MACROD2: variants seen among roughly 807,000 people sequenced by gnomAD.
MACROD2 encodes mono-ADP ribosylhydrolase 2, also known as ADP-ribose glycohydrolase MACROD2.
A neutral mutation model predicts 70.4 loss-of-function variants in MACROD2; 36 were observed. The observed-to-expected ratio is 0.51, with a 90% CI of 0.39 to 0.68. The LOEUF (loss-of-function observed/expected upper bound fraction) is 0.68, where lower values mean the gene tolerates loss of function less well. Ranked by LOEUF, MACROD2 falls within the 30% of genes least tolerant of loss-of-function variation. The pLI, the probability that MACROD2 is intolerant of heterozygous loss-of-function variation, is 0.00. For missense variants in MACROD2, 496 were observed against 538.4 expected (o/e 0.92, Z 0.78); for synonymous variants, 172 against 178.8 (o/e 0.96, Z 0.30).
intron 3 of MACROD2, among the ~76,000 whole-genome samples, chr20:14,186,026 C>T (rs1317973791): frequency 6.6e-6 from 1 of 152,094 alleles, no homozygotes; most frequent in Non-Finnish European, 1.5e-5. Context: ...TATCTTCTTA[C>T]CAGCCTTTCT....
At chr20:14,642,791 A>G (rs186715740) in intron 4 of MACROD2, among the ~76,000 whole-genome samples, 512 of 152,232 alleles carry the variant, frequency 3.4e-3, no homozygotes, top group Middle Eastern at 6.8e-3. Flanking sequence ...ATCAGAGATC[A>G]CTATAACAGA....
chr20:14,197,731 C>T (rs1429821690), intron 3 of MACROD2, among the ~76,000 whole-genome samples: 2 of 151,822 alleles, frequency 1.3e-5, no homozygotes, highest in Admixed American at 6.6e-5. Context: ...TGCACCACTG[C>T]ATTCCAGCCT....
chr20:15,314,637 T>C (rs74773147), intron 6 of MACROD2, among the ~76,000 whole-genome samples: 7,906 of 152,244 alleles, frequency 0.052, 688 homozygotes, highest in African/African-American at 0.18. Context: ...AAGTTGTTTG[T>C]CTTTATTTTG....
Position 15,494,559 on chromosome 20 carries a change from A to G in MACROD2, c.572-5215A>G, listed in dbSNP as rs141387901. Among the ~76,000 whole-genome samples the G allele has an allele frequency of 1.4e-3, 220 of 152,338 alleles. 2 individuals carry two copies. The East Asian group carries it at 0.015, about 10-fold the overall frequency. On this transcript the variant is annotated intron_variant, in intron 7 of 17. Coordinates refer to ENST00000684519, the MANE Select transcript of MACROD2 (RefSeq NM_001351661.2). Reference sequence around the variant, plus strand: ...AGGCAGGCATAATTTTGAACAAAATATAGACAAAAAAGAACACACATTATA... The same window carrying G: ...AGGCAGGCATAATTTTGAACAAAATGTAGACAAAAAAGAACACACATTATA...
intron 3 of MACROD2, among the ~76,000 whole-genome samples, chr20:14,159,844 A>AT (rs2055158103): frequency 6.6e-6 from 1 of 152,076 alleles, no homozygotes; most frequent in South Asian, 2.1e-4. Context: ...ATTGAGTATA[A>AT]TGTTAGCTGT....
chr20:15,274,249 T>C (rs2077371305), intron 6 of MACROD2, among the ~76,000 whole-genome samples: 1 of 152,158 alleles, frequency 6.6e-6, no homozygotes, highest in Non-Finnish European at 1.5e-5. Flanking sequence ...CAGTTGCAAA[T>C]ACAAGTTCCA....
intron 7 of MACROD2, among the ~76,000 whole-genome samples, chr20:15,441,368 A>G (rs987167706): frequency 6.6e-6 from 1 of 152,188 alleles, no homozygotes; most frequent in Non-Finnish European, 1.5e-5. Context: ...AGTTCAGTGT[A>G]CATAAAAATG....
At chr20:14,027,217 A>G (rs2263687) in intron 2 of MACROD2, among the ~76,000 whole-genome samples, 32,041 of 151,682 alleles carry the variant, frequency 0.21, 3,849 homozygotes, top group African/African-American at 0.33. Flanking sequence ...TTGATCTTCA[A>G]TCTCTGATAT....
intron 8 of MACROD2, among the ~76,000 whole-genome samples, chr20:15,779,842 C>T (rs2051799433): frequency 6.6e-6 from 1 of 152,086 alleles, no homozygotes; most frequent in African/African-American, 2.4e-5. Flanking sequence ...TGCAACTGTT[C>T]CACGTGGGGC....
At chr20:15,992,634 C>G (rs376361902) in intron 15 of MACROD2, among the ~76,000 whole-genome samples, 25 of 152,228 alleles carry the variant, frequency 1.6e-4, no homozygotes, top group African/African-American at 5.5e-4. Flanking sequence ...CAGCATCCGG[C>G]TACATCCTGT....
At chr20:14,229,304 A>T (rs1432620418) in intron 3 of MACROD2, among the ~76,000 whole-genome samples, 2 of 152,220 alleles carry the variant, frequency 1.3e-5, no homozygotes, top group Non-Finnish European at 2.9e-5. Context: ...GGCTGGGAGA[A>T]AACTTTGTAA....
At chr20:14,985,904 G>T (rs1323165135) in intron 5 of MACROD2, among the ~76,000 whole-genome samples, 1 of 152,084 alleles carries the variant, frequency 6.6e-6, no homozygotes, top group Non-Finnish European at 1.5e-5. Context: ...CTTCCAAAGT[G>T]CTGGGATTAC....
At chr20:15,046,091 C>T (rs1191914383) in intron 5 of MACROD2, among the ~76,000 whole-genome samples, 1 of 152,096 alleles carries the variant, frequency 6.6e-6, no homozygotes, top group Non-Finnish European at 1.5e-5. Flanking sequence ...TATATTTAAG[C>T]ATCTTCTTCG....
chr20:14,924,836 C>T (rs551540421), intron 5 of MACROD2, among the ~76,000 whole-genome samples: 2 of 152,132 alleles, frequency 1.3e-5, no homozygotes, highest in East Asian at 3.9e-4. Flanking sequence ...GTCACAGTTA[C>T]TATCATTAAA....
intron 6 of MACROD2, among the ~76,000 whole-genome samples, chr20:15,330,735 T>C (rs537333830): frequency 6.6e-6 from 1 of 151,682 alleles, no homozygotes; most frequent in South Asian, 2.1e-4. Flanking sequence ...TTCTGACTAA[T>C]GGATTAAAGT....
At chr20:14,702,541 ATG>A (rs1205004115) in intron 5 of MACROD2, among the ~76,000 whole-genome samples, 4 of 143,370 alleles carry the variant, frequency 2.8e-5, no homozygotes, top group South Asian at 4.4e-4. Context: ...AACATTACAT[ATG>A]TGTGTGTGTG....
At chr20:15,113,882 C>T (rs1023737707) in intron 5 of MACROD2, among the ~76,000 whole-genome samples, 8 of 151,588 alleles carry the variant, frequency 5.3e-5, no homozygotes, top group Non-Finnish European at 8.8e-5. Flanking sequence ...GGGAAAGCTC[C>T]AAATTATTCC....
At chr20:15,785,070 T>G (rs1426559524) in intron 8 of MACROD2, among the ~76,000 whole-genome samples, 2 of 147,650 alleles carry the variant, frequency 1.4e-5, no homozygotes, top group African/African-American at 5.0e-5. Flanking sequence ...GAGAATGGCG[T>G]GAACCCGGGA....
intron 3 of MACROD2, among the ~76,000 whole-genome samples, chr20:14,158,587 A>G (rs1035981783): frequency 6.6e-6 from 1 of 151,994 alleles, no homozygotes; most frequent in Non-Finnish European, 1.5e-5. Flanking sequence ...TTGTATATGT[A>G]TGGTAAGAGA....
Sources: gnomAD v4.1 joint callset for allele counts (sites outside exome capture counted in the v4.1 genomes callset) on GRCh38, gnomAD v4.1.1 for gene constraint, MANE v1.5 for transcripts, NCBI Gene and HGNC (gene_info 2026-07-23, HGNC 2026-07-21) for gene names.